The following ROBO2 variants were observed in gnomAD, a reference collection of about 807,000 sequenced individuals.
ROBO2 encodes the protein roundabout homolog 2.
Under a neutral mutation model 160.8 loss-of-function variants are expected in ROBO2, and 53 were observed. That is an observed-to-expected ratio of 0.33 (90% confidence interval 0.26 to 0.41). ROBO2 has a LOEUF of 0.41. ROBO2 is among the 10% of genes least tolerant of loss of function. ROBO2 has a pLI of 1.00. For missense variants in ROBO2, 1,577 were observed against 1,722.4 expected, an observed-to-expected ratio of 0.92 and a Z score of 1.49; for synonymous variants, 664 against 611.7, an observed-to-expected ratio of 1.09 and a Z score of -1.26.
chr3:76,304,771 T>C (rs1207242750), intron 2 of ROBO2, among the ~76,000 whole-genome samples: 14 of 150,992 alleles, frequency 9.3e-5, no homozygotes, highest in South Asian at 4.2e-4. Flanking sequence ...TCTTTCTTTC[T>C]TTCTTTCTTT....
At chr3:77,480,775 T>A (rs1021108614) in intron 3 of ROBO2, among the ~76,000 whole-genome samples, 1 of 152,092 alleles carries the variant, frequency 6.6e-6, no homozygotes, top group Non-Finnish European at 1.5e-5. Flanking sequence ...TGATGACAAA[T>A]GACAATAGCA....
intron 2 of ROBO2, among the ~76,000 whole-genome samples, chr3:75,969,963 C>A (rs1345299163): frequency 6.6e-6 from 1 of 151,490 alleles, no homozygotes; most frequent in Non-Finnish European, 1.5e-5. Context: ...TTGTCAAGGC[C>A]AATATCAAGG....
intron 2 of ROBO2, among the ~76,000 whole-genome samples, chr3:75,989,921 C>T (rs926013168): frequency 1.3e-5 from 2 of 152,166 alleles, no homozygotes; most frequent in African/African-American, 4.8e-5. Context: ...TTACTGATCA[C>T]AGCTAGGAAT....
chr3:76,474,329 A>G (rs2107158847), intron 2 of ROBO2, among the ~76,000 whole-genome samples: 1 of 152,296 alleles, frequency 6.6e-6, no homozygotes, highest in South Asian at 2.1e-4. Context: ...ATTATTATAT[A>G]CCAGTATTTA....
intron 2 of ROBO2, among the ~76,000 whole-genome samples, chr3:76,374,531 T>C (rs1445460953): frequency 6.6e-6 from 1 of 152,032 alleles, no homozygotes; most frequent in Non-Finnish European, 1.5e-5. Flanking sequence ...TGGTTCATAT[T>C]TTTACACATC....
At chr3:75,930,672 T>A (rs1947495853) in intron 1 of ROBO2, among the ~76,000 whole-genome samples, 1 of 152,218 alleles carries the variant, frequency 6.6e-6, no homozygotes, top group Non-Finnish European at 1.5e-5. Flanking sequence ...AGAGATAACA[T>A]GTCCCGGTTT....
At chr3:77,517,010 A>G (rs2090090460) in intron 5 of ROBO2, among the ~76,000 whole-genome samples, 2 of 151,596 alleles carry the variant, frequency 1.3e-5, no homozygotes, top group South Asian at 4.1e-4. Context: ...AGCAAGAGAG[A>G]ACCAGTCCTC....
At chr3:76,911,674 A>AT (rs1298438839) in intron 2 of ROBO2, among the ~76,000 whole-genome samples, 1 of 152,200 alleles carries the variant, frequency 6.6e-6, no homozygotes, top group Non-Finnish European at 1.5e-5. Context: ...AGTTTGAAAG[A>AT]TTTTTTTAAT....
chr3:76,565,673 AT>A (rs1037602119), intron 2 of ROBO2, among the ~76,000 whole-genome samples: 1 of 152,162 alleles, frequency 6.6e-6, no homozygotes, highest in Non-Finnish European at 1.5e-5. Flanking sequence ...AGTAAGATTT[AT>A]TTTCTGAGCT....
intron 2 of ROBO2, among the ~76,000 whole-genome samples, chr3:76,694,249 G>T (rs1314748963): frequency 6.6e-6 from 1 of 152,060 alleles, no homozygotes; most frequent in Non-Finnish European, 1.5e-5. Flanking sequence ...CCAAATCAGT[G>T]CCAGAGATCA....
intron 2 of ROBO2, among the ~76,000 whole-genome samples, chr3:76,006,669 T>C (rs781139253): frequency 6.6e-6 from 1 of 152,142 alleles, no homozygotes; most frequent in Non-Finnish European, 1.5e-5. Context: ...TTAAAGAGTC[T>C]GTAAGAATCT....
chr3:77,198,965 G>T (rs113629132), intron 2 of ROBO2, among the ~76,000 whole-genome samples: 2 of 152,052 alleles, frequency 1.3e-5, no homozygotes, highest in African/African-American at 4.8e-5. Context: ...GTAAAAATAT[G>T]CTCTATGTTA....
chr3:76,330,001 T>C (rs1421231258), intron 2 of ROBO2, among the ~76,000 whole-genome samples: 1 of 152,040 alleles, frequency 6.6e-6, no homozygotes, highest in Admixed American at 6.6e-5. Context: ...AATACAGGAG[T>C]GTGAAAACAT....
At chr3:76,643,668 CT>C (rs11285307) in intron 2 of ROBO2, among the ~76,000 whole-genome samples, 65,033 of 151,878 alleles carry the variant, frequency 0.43, 14,130 homozygotes, top group South Asian at 0.52. Context: ...ATGTCTACCC[CT>C]GTTTCTGCTC....
intron 16 of ROBO2, among the ~76,000 whole-genome samples, chr3:77,588,427 T>C (rs1012917071): frequency 2.6e-5 from 4 of 152,118 alleles, no homozygotes; most frequent in African/African-American, 9.7e-5. Context: ...TTAAAAACAC[T>C]TGATGTAATT....
In ROBO2 at chr3:76,446,839, T is replaced by G. The variant is rs1283864435; in HGVS notation, c.109+509237T>G. Among the ~76,000 whole-genome samples the G allele has an allele frequency of 2.6e-5, 4 of 152,226 alleles. No individual in the cohort carries two copies. In the East Asian group the frequency reaches 7.7e-4, roughly 29 times the overall value. ...GTGCTGGGAAAACTGGCTAGCCATA[T>G]GTAGAAAGTTGAAACTGGATCCCTT... On this transcript the variant is annotated intron_variant, in intron 2 of 26. Coordinates refer to the ROBO2 transcript ENST00000487694.
intron 17 of ROBO2, 68 bp downstream of exon 18, chr3:77,589,001 CAGAAAGGA>C: frequency 1.3e-6 from 2 of 1,563,554 alleles, no homozygotes. Flanking sequence ...ATGGAAGGAA[CAGAAAGGA>C]ATAACAAATG....
At chr3:76,988,191 AAG>A (rs1341695666) in intron 2 of ROBO2, among the ~76,000 whole-genome samples, 5 of 152,148 alleles carry the variant, frequency 3.3e-5, no homozygotes, top group Non-Finnish European at 5.9e-5. Context: ...ATTAACCCTA[AAG>A]GTAAGGCTTT....
chr3:76,570,809 C>A (rs562871374), intron 2 of ROBO2, among the ~76,000 whole-genome samples: 7 of 152,224 alleles, frequency 4.6e-5, no homozygotes, highest in African/African-American at 1.7e-4. Context: ...AGTTTTATAG[C>A]CCTGCTCCTC....
Sources: allele counts gnomAD v4.1 joint callset (sites outside exome capture counted in the v4.1 genomes callset), GRCh38; gene constraint gnomAD v4.1.1; transcripts MANE v1.5; gene names NCBI Gene and HGNC (gene_info 2026-07-23, HGNC 2026-07-21).